The following ABCC4 variants were observed in gnomAD, a reference collection of about 807,000 sequenced individuals.
ABCC4 encodes the protein ATP binding cassette subfamily C member 4 (PEL blood group).
A neutral mutation model predicts 168.5 loss-of-function variants in ABCC4; 102 were observed. That is an observed-to-expected ratio of 0.61 (90% confidence interval 0.52 to 0.71). The LOEUF is 0.71. Ranked by LOEUF, ABCC4 falls within the 30% of genes least tolerant of loss-of-function variation. ABCC4 has a pLI of 0.00. For synonymous variants in ABCC4, 617 were observed against 590.7 expected, an observed-to-expected ratio of 1.04 and a Z score of -0.65; for missense variants, 1,402 against 1,605.8, an observed-to-expected ratio of 0.87 and a Z score of 2.17.
chr13:95,266,292 A>G (rs995504260), intron 1 of ABCC4: 1 of 152,382 alleles, frequency 6.6e-6, no homozygotes, highest in Admixed American at 6.6e-5. Flanking sequence ...GAAGAGAAGG[A>G]GATGTAAACA....
chr13:95,294,287 C>T (rs954476323), intron 1 of ABCC4, among the ~76,000 whole-genome samples: 10 of 152,026 alleles, frequency 6.6e-5, no homozygotes, highest in African/African-American at 1.2e-4. Context: ...CGCTTGAACC[C>T]GGGAGGCAGA....
intron 19 of ABCC4, among the ~76,000 whole-genome samples, chr13:95,148,591 AACAC>A (rs55998383): frequency 0.098 from 12,655 of 129,708 alleles, 1,126 homozygotes; most frequent in African/African-American, 0.24. Context: ...TACCCATCAC[AACAC>A]ACACACACAC....
intron 13 of ABCC4, among the ~76,000 whole-genome samples, chr13:95,177,279 G>A (rs1045102916): frequency 1.3e-5 from 2 of 152,186 alleles, no homozygotes; most frequent in Admixed American, 1.3e-4. Context: ...CTTCTAACCT[G>A]TCATAGAGAA....
At chr13:95,038,489 T>G (rs2032219365) in intron 29 of ABCC4, among the ~76,000 whole-genome samples, 3 of 151,540 alleles carry the variant, frequency 2.0e-5, no homozygotes, top group African/African-American at 4.9e-5. Flanking sequence ...GGCCAAAATT[T>G]CTGAGGAGGA....
chr13:95,075,747 C>T (rs1304253717), intron 21 of ABCC4, 196 bp from the exon 22 acceptor site: 1 of 585,618 alleles, frequency 1.7e-6, no homozygotes, highest in African/African-American at 1.9e-5. Context: ...CTGCTCAAAC[C>T]ACACCTCACA....
At chr13:95,234,870 T>C in intron 3 of ABCC4, 36 bp from the exon 4 acceptor site, 2 of 1,357,784 alleles carry the variant, frequency 1.5e-6, no homozygotes, top group East Asian at 2.5e-5. Context: ...TAATTAGACA[T>C]ACAGACCACA....
intron 13 of ABCC4, among the ~76,000 whole-genome samples, chr13:95,177,334 T>C (rs2009772): frequency 0.14 from 21,903 of 152,140 alleles, 1,655 homozygotes; most frequent in Non-Finnish European, 0.17. Context: ...GGTTGCCAAG[T>C]GCCACCCTTC....
chr13:95,103,768 T>C (rs1165815546), intron 20 of ABCC4, among the ~76,000 whole-genome samples: 1 of 152,130 alleles, frequency 6.6e-6, no homozygotes, highest in South Asian at 2.1e-4. Flanking sequence ...TCCACCCAAA[T>C]CTCTAAACTC....
chr13:95,211,056 C>T (rs2038942825), intron 4 of ABCC4, among the ~76,000 whole-genome samples: 1 of 152,154 alleles, frequency 6.6e-6, no homozygotes, highest in Non-Finnish European at 1.5e-5. Flanking sequence ...ACATAAGTTT[C>T]TACTTAAGAG....
intron 6 of ABCC4, 40 bp from the exon 7 acceptor site, chr13:95,207,965 A>G: frequency 1.9e-6 from 3 of 1,603,352 alleles, no homozygotes; most frequent in Non-Finnish European, 2.5e-6. Flanking sequence ...CTGAGCGATC[A>G]CAGCCTGCCC....
chr13:95,192,582 T>C (rs539783982), intron 9 of ABCC4, among the ~76,000 whole-genome samples: 4 of 152,282 alleles, frequency 2.6e-5, no homozygotes, highest in South Asian at 2.1e-4. Context: ...CCTAGAGTGC[T>C]TTTTTCTAGT....
At chr13:95,243,678 G>A (rs1209949068) in intron 3 of ABCC4, among the ~76,000 whole-genome samples, 1 of 152,128 alleles carries the variant, frequency 6.6e-6, no homozygotes, top group Non-Finnish European at 1.5e-5. Flanking sequence ...CTTGAGCTCA[G>A]GAGTTCTAGA....
At chr13:95,116,096 A>G (rs1358402285) in intron 19 of ABCC4, 95 bp from the exon 20 acceptor site, 4 of 848,324 alleles carry the variant, frequency 4.7e-6, no homozygotes, top group Non-Finnish European at 7.4e-6. Context: ...TTTTAAATGC[A>G]TATGTATTTA....
chr13:95,233,485 T>C (rs1471269541), intron 4 of ABCC4, among the ~76,000 whole-genome samples: 3 of 152,092 alleles, frequency 2.0e-5, no homozygotes, highest in East Asian at 1.9e-4. Flanking sequence ...ACAAAGACAC[T>C]GAAGACTACT....
rs190176006 is a variant in ABCC4, at chr13:95,189,978, G to A, written c.1264-1436C>T. 2.6e-5 allele frequency among the ~76,000 whole-genome samples: 4 copies of A among 152,112 alleles called. No individual in the cohort carries two copies. The East Asian group carries it at 5.8e-4, about 22-fold the overall frequency. ...TAAATTCTATGATAAAAAGATTCAG[G>A]AGTATATGCATGTTTTTACATATAC... On this transcript the variant is annotated intron_variant, in intron 9 of 30. Coordinates refer to ENST00000645237, the MANE Select transcript of ABCC4 (RefSeq NM_005845.5).
intron 1 of ABCC4, among the ~76,000 whole-genome samples, chr13:95,300,558 A>G (rs2041648693): frequency 6.6e-6 from 1 of 152,182 alleles, no homozygotes; most frequent in African/African-American, 2.4e-5. Flanking sequence ...ATGGACACAC[A>G]GTGAGATTCC....
In ABCC4 at chr13:95,141,811, G is replaced by A. The variant is rs192596827; in HGVS notation, c.2455+19378C>T. Among the ~76,000 whole-genome samples, 62 of 152,314 alleles carry A rather than the reference G, an allele frequency of 4.1e-4. No homozygotes were observed. In the Middle Eastern group the frequency reaches 0.01, roughly 25 times the overall value. On this transcript the variant is annotated intron_variant, in intron 19 of 30. Coordinates refer to ENST00000645237, the MANE Select transcript of ABCC4 (RefSeq NM_005845.5). The stretch of plus-strand genomic sequence containing the variant: ...AGACGGGGTCTTACGATGCTGACCA[G>A]GCTGGCCTCAAACTCCTGGGCTCAA...
intron 21 of ABCC4, among the ~76,000 whole-genome samples, chr13:95,081,890 C>T (rs1452534957): frequency 1.3e-5 from 2 of 152,058 alleles, no homozygotes; most frequent in African/African-American, 2.4e-5. Context: ...ATCCCAGCTA[C>T]TTGGGAGGCT....
intron 27 of ABCC4, among the ~76,000 whole-genome samples, chr13:95,049,843 CA>C (rs1299855469): frequency 6.6e-6 from 1 of 151,994 alleles, no homozygotes; most frequent in Admixed American, 6.6e-5. Context: ...GTGGTTAAAC[CA>C]CCTTTTAAGT....
Sources: gnomAD v4.1 joint callset for allele counts (sites outside exome capture counted in the v4.1 genomes callset) on GRCh38, gnomAD v4.1.1 for gene constraint, MANE v1.5 for transcripts, NCBI Gene and HGNC (gene_info 2026-07-23, HGNC 2026-07-21) for gene names.